Variants in ERICH6 observed in about 807,000 individuals in gnomAD.
ERICH6 encodes the protein glutamate-rich protein 6.
A neutral mutation model predicts 71.0 loss-of-function variants in ERICH6; 71 were observed. That is an observed-to-expected ratio of 1.00 (90% confidence interval 0.83 to 1.22). ERICH6 has a LOEUF of 1.22. Among genes scored for constraint, ERICH6 ranks in the 50% most tolerant of loss-of-function variants. The pLI is 0.00. For missense variants in ERICH6, 808 were observed against 797.2 expected (o/e 1.01, Z -0.16); for synonymous variants, 262 against 278.4 (o/e 0.94, Z 0.59).
intron 6 of ERICH6, among the ~76,000 whole-genome samples, chr3:150,683,413 C>T (rs1235429032): frequency 6.6e-6 from 1 of 152,164 alleles, no homozygotes; most frequent in Non-Finnish European, 1.5e-5. Context: ...GTGAACTTCT[C>T]AGCCCGTTGT....
chr3:150,674,966 T>C (rs1320082666), intron 10 of ERICH6, among the ~76,000 whole-genome samples: 1 of 152,002 alleles, frequency 6.6e-6, no homozygotes, highest in Non-Finnish European at 1.5e-5. Context: ...AACCCTGTCT[T>C]CACTAAACAT....
intron 6 of ERICH6, among the ~76,000 whole-genome samples, chr3:150,683,977 G>A (rs1039405324): frequency 2.6e-5 from 4 of 152,240 alleles, no homozygotes; most frequent in African/African-American, 9.6e-5. Flanking sequence ...GAAGCCGCAA[G>A]GCCTTCCCCA....
Position 150,678,546 on chromosome 3 carries a change from G to T in ERICH6, c.1120C>A (p.Arg374Ser), listed in dbSNP as rs578028416. The change falls in exon 10 of 14, where the codon CGC becomes AGC. Residue 374 changes from arginine (R) to serine (S), a missense_variant. Arg to Ser is a moderately radical substitution (Grantham distance 110). This residue lies in a region of ERICH6 where 736 missense variants were observed against 712.2 expected (regional missense o/e 1.03). Coordinates refer to ENST00000295910, the MANE Select transcript of ERICH6 (RefSeq NM_152394.5). ...AGTTGATAAGAAATTGTTTTTAAGC[G>T]CTTTGAATCTAGTGGGAAAAGAATC... The part of the protein sequence containing the change: ...QTHFSEDDSK[R>S]LKTISYQLSV... 9 of 1,593,270 alleles carry T rather than the reference G, an allele frequency of 5.6e-6. No homozygotes were observed. In the East Asian group the frequency reaches 1.4e-4, roughly 24 times the overall value.
chr3:150,666,893 G>T lies in ERICH6; in HGVS notation c.1622C>A (p.Ala541Asp). The T allele has an allele frequency of 6.2e-7, 1 of 1,614,122 alleles. No homozygotes were observed. The highest frequency in any genetic ancestry group is 1.3e-5 in the African/African-American group (1 of 75,036). Residue 541 changes from alanine to aspartate, a missense_variant, in exon 13 of 14, where the codon GCT (alanine) becomes GAT (aspartate). This residue lies in a region of ERICH6 where 736 missense variants were observed against 712.2 expected (regional missense o/e 1.03). Transcript: ENST00000295910. ...GCGGACTCCAATATAACGGTTCAAA[G>T]CCAGAAAGACAGGTTTAAATGAAAC... ...PFVSFKPVFL[A>D]LNRYIGVRIL...
Position 150,686,161 on chromosome 3 carries a change from C to G in ERICH6, c.610+137G>C, listed in dbSNP as rs529899172. 17 of 1,220,600 alleles carry G rather than the reference C, an allele frequency of 1.4e-5. No individual in the cohort carries two copies. In the African/African-American group the frequency reaches 2.4e-4, roughly 17 times the overall value. The allele number at this position is 1,220,600 out of a possible 1,614,324, so 75.6% of individuals were successfully genotyped here. On this transcript the variant is annotated intron_variant, in intron 4 of 13. Transcript: ENST00000295910. ...ACTGTTCAGATGCCCTGATCCCTGA[C>G]GTTTTCGCCACCTTCTCACACCTGT...
intron 10 of ERICH6, among the ~76,000 whole-genome samples, chr3:150,675,537 T>C (rs78051912): frequency 1.1e-4 from 16 of 152,030 alleles, no homozygotes; most frequent in Non-Finnish European, 2.2e-4. Flanking sequence ...TTAGTAGAGA[T>C]GGGGTTTCAC....
Position 150,666,957 on chromosome 3 carries a change from C to A in ERICH6, c.1558G>T (p.Ala520Ser). 1 of 1,614,070 alleles carries A rather than the reference C, an allele frequency of 6.2e-7. No individual in the cohort carries two copies. The highest frequency in any genetic ancestry group is 1.1e-5 in the South Asian group (1 of 91,074). ...YSDQAGNRIR[A>S]WNWSNSITSS... Reference sequence around the variant, plus strand: ...GTGATGGAATTTGACCAATTCCAAGCCCTTATTCTGTTGCCGGCTTGATCT... The same window carrying A: ...GTGATGGAATTTGACCAATTCCAAGACCTTATTCTGTTGCCGGCTTGATCT... The change falls in exon 13 of 14, where the codon GCT becomes TCT. Residue 520 changes from alanine (A) to serine (S), a missense_variant. Ala to Ser is a moderately conservative substitution (Grantham distance 99, BLOSUM62 1). This residue lies in a region of ERICH6 where 736 missense variants were observed against 712.2 expected (regional missense o/e 1.03). Transcript: ENST00000295910.
intron 10 of ERICH6, among the ~76,000 whole-genome samples, chr3:150,675,799 T>C (rs1711628267): frequency 6.6e-6 from 1 of 152,044 alleles, no homozygotes; most frequent in Non-Finnish European, 1.5e-5. Flanking sequence ...ATTGTTTTCT[T>C]TTAAATGTAA....
At chr3:150,700,734 C>T (rs1712841038) in intron 2 of ERICH6, among the ~76,000 whole-genome samples, 1 of 152,124 alleles carries the variant, frequency 6.6e-6, no homozygotes, top group South Asian at 2.1e-4. Flanking sequence ...CAGGCACACG[C>T]CACCATGCCC....
chr3:150,689,430 T>C (rs1712332366), intron 3 of ERICH6, among the ~76,000 whole-genome samples: 1 of 152,232 alleles, frequency 6.6e-6, no homozygotes, highest in East Asian at 1.9e-4. Flanking sequence ...GTTTTGTTCC[T>C]AAATCAAGCC....
Position 150,678,448 on chromosome 3 carries a change from CAT to C in ERICH6, c.1216_1217del (p.Met406ValfsTer6), listed in dbSNP as rs761529951. ...TCCGAGAATCACAACAAATGATAGA[CAT>C]GTTACTGTTTCTTAGTTGAAAATCA... ...VFDFQLRNSN[M>X]SIICCDSRIA... On this transcript the variant is annotated frameshift_variant, in exon 10 of 14. Transcript: ENST00000295910. LOFTEE classifies it high-confidence loss of function. 29 of 1,601,172 alleles carry C rather than the reference CAT, an allele frequency of 1.8e-5. No individual in the cohort carries two copies. Among genetic ancestry groups the C allele is most frequent in the Non-Finnish European group, 2.5e-5 (29 of 1,176,422 alleles).
chr3:150,678,589 T>C (rs755892114), intron 9 of ERICH6, 35 bp from the exon 10 acceptor site: 2 of 1,505,082 alleles, frequency 1.3e-6, no homozygotes, highest in South Asian at 1.4e-5. Flanking sequence ...AATACATATA[T>C]GTTTTAAATT....
intron 6 of ERICH6, among the ~76,000 whole-genome samples, chr3:150,684,698 G>A (rs1037590291): frequency 1.9e-4 from 29 of 152,104 alleles, no homozygotes; most frequent in African/African-American, 7.0e-4. Flanking sequence ...ACTTTCTCTT[G>A]CCCTTCAAAT....
intron 3 of ERICH6, among the ~76,000 whole-genome samples, chr3:150,695,285 G>C (rs559669466): frequency 6.6e-6 from 1 of 152,312 alleles, no homozygotes; most frequent in South Asian, 2.1e-4. Context: ...AAGGGGGTCA[G>C]ATACAAGATT....
Position 150,667,164 on chromosome 3 carries a change from T to C in ERICH6, c.1500-149A>G, listed in dbSNP as rs546672648. Reference sequence around the variant, plus strand: ...AAACTTCAGGTAATCTTAGGAGTGATAATACTATGACTAAATTCTACACGA... The same window carrying C: ...AAACTTCAGGTAATCTTAGGAGTGACAATACTATGACTAAATTCTACACGA... On this transcript the variant is annotated intron_variant, in intron 12 of 13. Coordinates refer to ENST00000295910, the MANE Select transcript of ERICH6 (RefSeq NM_152394.5). 18 of 691,978 alleles carry C rather than the reference T, an allele frequency of 2.6e-5. No homozygotes were observed. In the African/African-American group the frequency reaches 3.1e-4, roughly 12 times the overall value. 42.9% of individuals were successfully genotyped at this position (691,978 alleles called of 1,614,324 possible).
chr3:150,667,941 A>G (rs1727482061), intron 12 of ERICH6, among the ~76,000 whole-genome samples: 1 of 152,196 alleles, frequency 6.6e-6, no homozygotes, highest in African/African-American at 2.4e-5. Context: ...TTTAAATTGT[A>G]TTTGAAGTTA....
intron 9 of ERICH6, among the ~76,000 whole-genome samples, chr3:150,679,949 C>T (rs757512420): frequency 1.3e-5 from 2 of 152,198 alleles, no homozygotes; most frequent in African/African-American, 2.4e-5. Context: ...TGAGCCACCG[C>T]GCCCAGCCAA....
intron 7 of ERICH6, 74 bp from the exon 8 acceptor site, chr3:150,681,004 C>G (rs944568061): frequency 2.8e-6 from 4 of 1,445,968 alleles, no homozygotes; most frequent in Admixed American, 4.8e-5. Context: ...AAATGACTAA[C>G]AAGGTTTGGA....
rs572483060 is a variant in ERICH6 at position 150,687,712 on chromosome 3, G to A, written c.554-1358C>T. On this transcript the variant is annotated intron_variant, in intron 3 of 13. Transcript: ENST00000295910. ...TTGGAATGATGAAAAACCAATCAGA[G>A]CAACCTATAATGGGACAGAGGCAAA... Among the ~76,000 whole-genome samples, 9 of 152,304 alleles carry A rather than the reference G, an allele frequency of 5.9e-5. No homozygotes were observed. The South Asian group carries it at 1.9e-3, about 32-fold the overall frequency.
Sources: allele counts gnomAD v4.1 joint callset (sites outside exome capture counted in the v4.1 genomes callset), GRCh38; gene constraint gnomAD v4.1.1; regional missense constraint gnomAD v4.1.1; transcripts MANE v1.5; gene names NCBI Gene and HGNC (gene_info 2026-07-23, HGNC 2026-07-21).